Variants in KRAS observed in about 807,000 individuals in gnomAD.
KRAS encodes GTPase KRas.
A neutral mutation model predicts 21.0 loss-of-function variants in KRAS; 1 was observed. That is an observed-to-expected ratio of 0.05 (90% CI 0.02 to 0.23). The LOEUF (loss-of-function observed/expected upper bound fraction) is 0.23, where lower values mean the gene tolerates loss of function less well. Ranked by LOEUF, KRAS falls within the 10% of genes least tolerant of loss-of-function variation. The probability of loss-of-function intolerance (pLI) is 1.00; values close to 1 mark genes in which losing one functional copy is unlikely to be tolerated. For missense variants in KRAS, 107 were observed against 221.8 expected (o/e 0.48, Z 3.29); for synonymous variants, 67 against 72.5 (o/e 0.92, Z 0.39).
intron 1 of KRAS, among the ~76,000 whole-genome samples, chr12:25,247,476 AT>A (rs1451716275): frequency 6.6e-6 from 1 of 152,322 alleles, no homozygotes; most frequent in Admixed American, 6.5e-5. Flanking sequence ...CATGTATCTT[AT>A]CCCGTTTGCC....
rs1951246638 is a variant in KRAS at position 25,215,594 on chromosome 12, T to C, written c.451-5683A>G. On this transcript the variant is annotated intron_variant, in intron 4 of 4. Coordinates refer to ENST00000311936, the MANE Select transcript of KRAS (RefSeq NM_004985.5). ...TAAAACACAACTTCTTTAAAGTCTGTTGCATTGGTAAGAGTAATTTACTGG... is the reference window on the plus strand; with the variant it reads ...TAAAACACAACTTCTTTAAAGTCTGCTGCATTGGTAAGAGTAATTTACTGG... The C allele has an allele frequency of 3.8e-6, 6 of 1,561,178 alleles. No homozygotes were observed. The East Asian group carries it at 9.0e-5, about 23-fold the overall frequency.
intron 2 of KRAS, among the ~76,000 whole-genome samples, chr12:25,239,354 G>T (rs1345866389): frequency 6.6e-6 from 1 of 152,102 alleles, no homozygotes; most frequent in Non-Finnish European, 1.5e-5. Context: ...CAGCCAGATA[G>T]CTCAGTTTTT....
chr12:25,236,775 T>C (rs186911438), intron 2 of KRAS, among the ~76,000 whole-genome samples: 2 of 152,144 alleles, frequency 1.3e-5, no homozygotes, highest in African/African-American at 4.8e-5. Context: ...ATTTGAGAAA[T>C]ACTTAGGTAA....
chr12:25,242,141 T>C lies in KRAS; in HGVS notation c.111+3133A>G, dbSNP rs182939635. ...GATTAATCTGGTCTTCCTTACTGAA[T>C]AGGAAACTGTTCCATCAAAGAGGGG... On this transcript the variant is annotated intron_variant, in intron 2 of 4. Coordinates refer to ENST00000311936, the MANE Select transcript of KRAS (RefSeq NM_004985.5). 3.6e-3 allele frequency among the ~76,000 whole-genome samples: 552 copies of C among 152,274 alleles called. 3 individuals are homozygous for C. The highest frequency in any genetic ancestry group is 0.015 in the South Asian group (71 of 4,824).
chr12:25,240,211 A>G (rs1394828278), intron 2 of KRAS, among the ~76,000 whole-genome samples: 1 of 152,174 alleles, frequency 6.6e-6, no homozygotes, highest in East Asian at 1.9e-4. Context: ...TCCATAACCT[A>G]CACATTATGA....
rs1391240674 is a variant in KRAS at position 25,207,087 on chromosome 12, G to T, written c.*2708C>A. On this transcript the variant is annotated 3_prime_UTR_variant, in exon 5 of 5. Transcript: ENST00000311936. ...TTTGCAAAACTAAAATACGCATCGT[G>T]TTATCTCTGGGTCGTATACCAAAGG... 2 of 212,274 alleles carry T rather than the reference G, an allele frequency of 9.4e-6. No homozygotes were observed. The highest frequency in any genetic ancestry group is 1.9e-5 in the Non-Finnish European group (2 of 104,912). The allele number at this position is 212,274 out of a possible 1,614,324, so 13.1% of individuals were successfully genotyped here. A position where few individuals can be genotyped will look rare whatever the true frequency, so the allele number is the denominator to read the frequency against.
At chr12:25,236,584 T>C (rs1485068191) in intron 2 of KRAS, among the ~76,000 whole-genome samples, 1 of 151,914 alleles carries the variant, frequency 6.6e-6, no homozygotes, top group Non-Finnish European at 1.5e-5. Flanking sequence ...TGGTTTCTGC[T>C]TTCTGAACTA....
chr12:25,225,917 TCTA>T, intron 3 of KRAS, 144 bp from the exon 4 acceptor site: 1 of 699,132 alleles, frequency 1.4e-6, no homozygotes, highest in Non-Finnish European at 2.4e-6. Flanking sequence ...CCTTCCTTCT[TCTA>T]CTAGTTATTT....
intron 2 of KRAS, among the ~76,000 whole-genome samples, chr12:25,228,012 C>G (rs1951415107): frequency 6.6e-6 from 1 of 152,018 alleles, no homozygotes; most frequent in African/African-American, 2.4e-5. Flanking sequence ...GAACATTATT[C>G]AGCCATAAAA....
At chr12:25,237,595 G>A (rs1270196026) in intron 2 of KRAS, among the ~76,000 whole-genome samples, 5 of 152,068 alleles carry the variant, frequency 3.3e-5, no homozygotes, top group Non-Finnish European at 5.9e-5. Context: ...GGGAGTCTTC[G>A]ATCCATGGAC....
intron 2 of KRAS, among the ~76,000 whole-genome samples, chr12:25,229,766 G>A (rs947914369): frequency 1.2e-3 from 140 of 112,626 alleles, no homozygotes; most frequent in African/African-American, 4.1e-3. Flanking sequence ...TAGTATTAAT[G>A]TATCTTTTTT....
rs1951174177 is a variant in KRAS, at chr12:25,209,002, A to C, written c.*793T>G. 2.8e-6 allele frequency: 1 copy of C among 357,010 alleles called. No individual in the cohort carries two copies. Among genetic ancestry groups the C allele is most frequent in the East Asian group, 4.0e-5 (1 of 24,890 alleles). The allele number at this position is 357,010 out of a possible 1,614,324, so 22.1% of individuals were successfully genotyped here. On this transcript the variant is annotated 3_prime_UTR_variant, in exon 5 of 5. Coordinates refer to ENST00000311936, the MANE Select transcript of KRAS (RefSeq NM_004985.5). The stretch of plus-strand genomic sequence containing the variant: ...TATACTTGTTAAAATCTTTTCAATT[A>C]TTATAAAAATTTAGTAGCATGTAAA...
intron 4 of KRAS, among the ~76,000 whole-genome samples, chr12:25,219,022 C>T (rs61762433): frequency 0.026 from 3,981 of 151,658 alleles, 180 homozygotes; most frequent in African/African-American, 0.092. Context: ...TCACTGCAAC[C>T]GCCACCTCCG....
intron 2 of KRAS, among the ~76,000 whole-genome samples, chr12:25,242,547 A>C (rs1018026992): frequency 2.0e-5 from 3 of 152,186 alleles, no homozygotes; most frequent in African/African-American, 7.2e-5. Flanking sequence ...GCTTCATAAA[A>C]GATAACAATA....
intron 4 of KRAS, chr12:25,210,787 G>A (rs1951193047): frequency 6.6e-6 from 1 of 152,114 alleles, no homozygotes; most frequent in African/African-American, 2.4e-5. Flanking sequence ...TATGATTAAA[G>A]CAAGGTTATT....
At chr12:25,242,921 CCTTA>C (rs1951628190) in intron 2 of KRAS, among the ~76,000 whole-genome samples, 1 of 152,128 alleles carries the variant, frequency 6.6e-6, no homozygotes, top group Admixed American at 6.5e-5. Flanking sequence ...TAGCCACCCT[CCTTA>C]CTATCTCTTA....
intron 2 of KRAS, chr12:25,234,808 G>A (rs955992409): frequency 4.9e-5 from 10 of 204,392 alleles, no homozygotes; most frequent in African/African-American, 1.1e-4. Flanking sequence ...TAACATACTC[G>A]AGTATGGGTT....
intron 3 of KRAS, among the ~76,000 whole-genome samples, chr12:25,226,087 A>G (rs1248596440): frequency 6.6e-6 from 1 of 152,204 alleles, no homozygotes; most frequent in East Asian, 1.9e-4. Flanking sequence ...AGTGCTATAT[A>G]ACAGACTATA....
chr12:25,236,615 G>A (rs1951547584), intron 2 of KRAS, among the ~76,000 whole-genome samples: 2 of 151,612 alleles, frequency 1.3e-5, no homozygotes, highest in Admixed American at 1.3e-4. Flanking sequence ...TTCTATAAAT[G>A]TTAAAAATGG....
Sources: gnomAD v4.1 joint callset for allele counts (sites outside exome capture counted in the v4.1 genomes callset) on GRCh38, gnomAD v4.1.1 for gene constraint, MANE v1.5 for transcripts, NCBI Gene and HGNC (gene_info 2026-07-23, HGNC 2026-07-21) for gene names.